Variants in FRYL observed in about 807,000 individuals in gnomAD.
FRYL encodes the protein FRY like transcription coactivator.
A neutral mutation model predicts 351.2 loss-of-function variants in FRYL; 150 were observed. The ratio of observed to expected loss-of-function variants is 0.43; its 90% CI spans 0.37 to 0.49. The LOEUF (loss-of-function observed/expected upper bound fraction) is 0.49. FRYL is among the 20% of genes least tolerant of loss of function. The pLI is 0.00. For missense variants in FRYL, 3,036 were observed against 3,619.3 expected (o/e 0.84, Z 4.13); for synonymous variants, 1,153 against 1,257.1 (o/e 0.92, Z 1.75).
At chr4:48,653,197 G>A (rs1230162698) in intron 3 of FRYL, among the ~76,000 whole-genome samples, 1 of 152,126 alleles carries the variant, frequency 6.6e-6, no homozygotes, top group African/African-American at 2.4e-5. Flanking sequence ...CATCCTGAAT[G>A]TTATTTATAA....
intron 57 of FRYL, 28 bp from the exon 58 acceptor site, chr4:48,511,012 T>TA: frequency 1.3e-6 from 2 of 1,568,724 alleles, no homozygotes; most frequent in Non-Finnish European, 8.7e-7. Context: ...AGAAAGAGTT[T>TA]AGTGTTTCAT....
chr4:48,614,781 G>A (rs1363257791), intron 7 of FRYL, among the ~76,000 whole-genome samples: 3 of 144,704 alleles, frequency 2.1e-5, no homozygotes, highest in African/African-American at 7.6e-5. Flanking sequence ...TTTATTCCAA[G>A]GCTATTTCCA....
intron 3 of FRYL, among the ~76,000 whole-genome samples, chr4:48,650,825 T>C (rs1277242628): frequency 1.3e-5 from 2 of 152,088 alleles, no homozygotes; most frequent in African/African-American, 4.8e-5. Context: ...TTCCAGGTGA[T>C]GATGAAGAGA....
At position 48,719,948 on chromosome 4, in the gene FRYL, G is replaced by A. The variant is rs542467621; in HGVS notation, c.-383-9250C>T. Among the ~76,000 whole-genome samples, 23 of 149,898 alleles carry A rather than the reference G, an allele frequency of 1.5e-4. 1 individual carries two copies. Among genetic ancestry groups the A allele is most frequent in the African/African-American group, 4.4e-4 (18 of 40,878 alleles). ...GAGTGGATCACGAGGTCCGGAGATC[G>A]AGACCATCCTGGCCAACATGGTGAA... On this transcript the variant is annotated intron_variant, in intron 1 of 63. Coordinates refer to ENST00000358350, the MANE Select transcript of FRYL (RefSeq NM_015030.2).
At chr4:48,692,554 G>C (rs1765770448) in intron 2 of FRYL, among the ~76,000 whole-genome samples, 1 of 152,084 alleles carries the variant, frequency 6.6e-6, no homozygotes, top group Non-Finnish European at 1.5e-5. Flanking sequence ...CACCACACCT[G>C]ACTAATTTTT....
chr4:48,593,355 A>ATT (rs34469869), intron 16 of FRYL, among the ~76,000 whole-genome samples: 5 of 150,642 alleles, frequency 3.3e-5, no homozygotes, highest in Admixed American at 1.3e-4. Context: ...TTCTTTATTC[A>ATT]TTTTTTGAGA....
At chr4:48,770,513 C>A (rs1403598539) in intron 1 of FRYL, among the ~76,000 whole-genome samples, 1 of 152,096 alleles carries the variant, frequency 6.6e-6, no homozygotes, top group Non-Finnish European at 1.5e-5. Flanking sequence ...TCTCGGCTCA[C>A]CGCAACCTCC....
intron 13 of FRYL, among the ~76,000 whole-genome samples, chr4:48,599,707 GTTAC>G (rs1745320390): frequency 1.3e-5 from 2 of 152,262 alleles, no homozygotes; most frequent in South Asian, 4.1e-4. Context: ...CGAAACACGG[GTTAC>G]TTGTTTATCT....
intron 1 of FRYL, among the ~76,000 whole-genome samples, chr4:48,739,872 T>C (rs75474097): frequency 0.018 from 2,739 of 152,278 alleles, 78 homozygotes; most frequent in African/African-American, 0.062. Context: ...AATGGATTAA[T>C]GGGTTATCAT....
At chr4:48,521,399 G>A (rs530909300) in intron 54 of FRYL, among the ~76,000 whole-genome samples, 184 bp from the exon 55 acceptor site, 6 of 152,060 alleles carry the variant, frequency 3.9e-5, no homozygotes, top group Non-Finnish European at 7.4e-5. Context: ...CTAATCCCTC[G>A]GTAGAACTAA....
In FRYL at chr4:48,594,032, ATCCT is replaced by A; in HGVS notation, c.1249-20_1249-17del. The A allele has an allele frequency of 1.6e-6, 2 of 1,282,822 alleles. No homozygotes were observed. Among genetic ancestry groups the A allele is most frequent in the Non-Finnish European group, 2.1e-6 (2 of 941,568 alleles). 79.5% of individuals were successfully genotyped at this position (1,282,822 alleles called of 1,614,324 possible). On this transcript the variant is annotated splice_polypyrimidine_tract_variant and intron_variant, in intron 15 of 63. Transcript: ENST00000358350. ...CCAAGCGTTCCTTAAAAAAAAAAAA[ATCCT>A]TATAACTTGCTACTATGTGTTAGGT...
At chr4:48,617,871 C>G (rs1242274000) in intron 7 of FRYL, 1 of 152,222 alleles carries the variant, frequency 6.6e-6, no homozygotes, top group South Asian at 2.1e-4. Context: ...TTCCTGAATG[C>G]TAATGTAGGG....
rs185548818 is a variant in FRYL, at chr4:48,610,431, T to C, written c.412-608A>G. Among the ~76,000 whole-genome samples the C allele has an allele frequency of 3.3e-3, 506 of 151,892 alleles. 11 individuals are homozygous for C. Among genetic ancestry groups the C allele is most frequent in the Non-Finnish European group, 6.0e-4 (41 of 67,918 alleles). The stretch of plus-strand genomic sequence containing the variant: ...ACTATTAACAACTTCATGTACATCC[T>C]TCCAGACTTTTTCCTACACATCCTC... On this transcript the variant is annotated intron_variant, in intron 7 of 63. Transcript: ENST00000358350.
At chr4:48,505,345 G>T (rs1372120826) in intron 60 of FRYL, 6 of 624,998 alleles carry the variant, frequency 9.6e-6, no homozygotes, top group East Asian at 3.0e-5. Context: ...CAAGCTGGTC[G>T]TTCATTTTTA....
chr4:48,548,650 A>C, intron 40 of FRYL, 40 bp downstream of exon 40: 3 of 1,102,880 alleles, frequency 2.7e-6, no homozygotes, highest in Non-Finnish European at 4.1e-6. Context: ...AATTATCATA[A>C]AAATATAACA....
At chr4:48,524,585 T>C (rs187209997) in intron 53 of FRYL, among the ~76,000 whole-genome samples, 3 of 152,318 alleles carry the variant, frequency 2.0e-5, no homozygotes, top group Admixed American at 6.5e-5. Flanking sequence ...AACAAGACTA[T>C]ATCCAGGTTT....
Position 48,711,757 on chromosome 4 carries a change from GCCT to G in FRYL, c.-383-1062_-383-1060del, listed in dbSNP as rs1057114211. ...CTGGAGATCTGAGAATGGGCAGACT[GCCT>G]CCTCAAGTGGGTCCCTGACCCCTGA... On this transcript the variant is annotated intron_variant, in intron 1 of 63. Transcript: ENST00000358350. Among the ~76,000 whole-genome samples the G allele has an allele frequency of 3.3e-5, 5 of 152,206 alleles. 1 individual carries two copies. The highest frequency in any genetic ancestry group is 2.1e-4 in the South Asian group (1 of 4,832).
At chr4:48,606,953 CT>C in intron 9 of FRYL, among the ~76,000 whole-genome samples, 1 of 152,138 alleles carries the variant, frequency 6.6e-6, no homozygotes. Flanking sequence ...GTGTCTCCAA[CT>C]TTTAAGGCTC....
intron 2 of FRYL, among the ~76,000 whole-genome samples, chr4:48,704,212 G>C (rs1767059448): frequency 6.6e-6 from 1 of 151,976 alleles, no homozygotes; most frequent in Admixed American, 6.6e-5. Context: ...TGTGTAAAGA[G>C]CTTATAAAAT....
Sources: gnomAD v4.1 joint callset for allele counts (sites outside exome capture counted in the v4.1 genomes callset) on GRCh38, gnomAD v4.1.1 for gene constraint, MANE v1.5 for transcripts, NCBI Gene and HGNC (gene_info 2026-07-23, HGNC 2026-07-21) for gene names.